The following SLC25A13 variants were observed in gnomAD, a reference collection of about 807,000 sequenced individuals.
SLC25A13 encodes the protein electrogenic aspartate/glutamate antiporter SLC25A13, mitochondrial.
In SLC25A13, 70 loss-of-function variants were observed where a neutral mutation model predicts 85.5. The observed-to-expected ratio is 0.82, with a 90% CI of 0.68 to 1.00. SLC25A13 has a LOEUF of 1.00. Ranked by LOEUF, SLC25A13 falls within the 50% of genes least tolerant of loss-of-function variation. The pLI, the probability that SLC25A13 is intolerant of heterozygous loss-of-function variation, is 0.00. For missense variants in SLC25A13, 765 were observed against 819.8 expected (o/e 0.93, Z 0.82); for synonymous variants, 259 against 288.7 (o/e 0.90, Z 1.04).
intron 1 of SLC25A13, among the ~76,000 whole-genome samples, chr7:96,307,590 G>A (rs1799795424): frequency 6.6e-6 from 1 of 151,760 alleles, no homozygotes; most frequent in African/African-American, 2.4e-5. Flanking sequence ...AAAAAAGTAG[G>A]GATGGAAGGA....
intron 3 of SLC25A13, among the ~76,000 whole-genome samples, chr7:96,272,963 TATC>T (rs1798302437): frequency 6.6e-6 from 1 of 152,276 alleles, no homozygotes. Flanking sequence ...GATCTTGACA[TATC>T]ATCCCACAAA....
At chr7:96,156,684 C>T (rs1287994510) in intron 13 of SLC25A13, among the ~76,000 whole-genome samples, 1 of 152,070 alleles carries the variant, frequency 6.6e-6, no homozygotes, top group African/African-American at 2.4e-5. Context: ...ATCTCCTAAC[C>T]TCATGACCTG....
chr7:96,298,833 C>T (rs2116999389), intron 1 of SLC25A13, among the ~76,000 whole-genome samples: 1 of 152,246 alleles, frequency 6.6e-6, no homozygotes, highest in South Asian at 2.1e-4. Flanking sequence ...AGATGAATGA[C>T]TCTGCTGCCC....
At chr7:96,295,934 CCTTTT>C (rs778869520) in intron 2 of SLC25A13, among the ~76,000 whole-genome samples, 13 of 151,454 alleles carry the variant, frequency 8.6e-5, no homozygotes, top group Non-Finnish European at 1.5e-4. Flanking sequence ...ACAAAAGTGG[CCTTTT>C]CTTTTCTGAG....
chr7:96,298,658 C>T (rs775988966), intron 1 of SLC25A13, among the ~76,000 whole-genome samples: 37 of 152,090 alleles, frequency 2.4e-4, no homozygotes, highest in Non-Finnish European at 8.8e-5. Flanking sequence ...GTCTCCAACT[C>T]GTGACCTTAG....
At chr7:96,276,717 T>C (rs1212555644) in intron 3 of SLC25A13, among the ~76,000 whole-genome samples, 2 of 152,222 alleles carry the variant, frequency 1.3e-5, no homozygotes, top group African/African-American at 4.8e-5. Context: ...GTGTCCTATT[T>C]GATTCTATAT....
At chr7:96,166,490 C>A (rs573853022) in intron 13 of SLC25A13, among the ~76,000 whole-genome samples, 1 of 152,102 alleles carries the variant, frequency 6.6e-6, no homozygotes, top group African/African-American at 2.4e-5. Context: ...TGAAACTAGT[C>A]ATTGCACCAC....
chr7:96,168,746 A>C (rs1793876393), intron 13 of SLC25A13, among the ~76,000 whole-genome samples: 1 of 152,200 alleles, frequency 6.6e-6, no homozygotes. Context: ...ACTTAAAAAA[A>C]CAACAACCCC....
At chr7:96,288,777 G>T (rs755309560) in intron 2 of SLC25A13, among the ~76,000 whole-genome samples, 4 of 152,160 alleles carry the variant, frequency 2.6e-5, no homozygotes, top group Non-Finnish European at 4.4e-5. Context: ...CTGGAAGCTC[G>T]AACTGGGTGG....
intron 4 of SLC25A13, among the ~76,000 whole-genome samples, chr7:96,215,295 C>A (rs1192131960): frequency 6.6e-6 from 1 of 152,116 alleles, no homozygotes; most frequent in Non-Finnish European, 1.5e-5. Flanking sequence ...CAGGGTTTCA[C>A]CATGTTGGTC....
Position 96,285,568 on chromosome 7 carries a change from T to G in SLC25A13, c.70-8230A>C, listed in dbSNP as rs143504709. Among the ~76,000 whole-genome samples the G allele has an allele frequency of 5.0e-3, 766 of 152,294 alleles. 8 individuals are homozygous for G. The highest frequency in any genetic ancestry group is 0.018 in the African/African-American group (740 of 41,556). Reference sequence around the variant, plus strand: ...TCCCTGAGACTCCCCAAGTTCTCTCTCCTAAGGGCCTTCCCTGACCACTCT... The same window carrying G: ...TCCCTGAGACTCCCCAAGTTCTCTCGCCTAAGGGCCTTCCCTGACCACTCT... On this transcript the variant is annotated intron_variant, in intron 2 of 17. Transcript: ENST00000265631.
intron 15 of SLC25A13, among the ~76,000 whole-genome samples, chr7:96,123,541 A>G (rs1234501026): frequency 6.6e-6 from 1 of 152,204 alleles, no homozygotes; most frequent in African/African-American, 2.4e-5. Context: ...GGGTGAAGGA[A>G]GCAGGTATGA....
chr7:96,235,671 T>G (rs1796718415), intron 3 of SLC25A13, among the ~76,000 whole-genome samples: 1 of 152,144 alleles, frequency 6.6e-6, no homozygotes, highest in African/African-American at 2.4e-5. Context: ...GGGAAACTGA[T>G]GAGTGACAGA....
chr7:96,150,951 G>A (rs1005103672), intron 13 of SLC25A13, among the ~76,000 whole-genome samples: 7 of 152,024 alleles, frequency 4.6e-5, no homozygotes, highest in Non-Finnish European at 1.0e-4. Flanking sequence ...CAGAAAATGG[G>A]ACATGAGAAC....
chr7:96,199,953 G>C (rs1795192196), intron 5 of SLC25A13, among the ~76,000 whole-genome samples: 1 of 151,758 alleles, frequency 6.6e-6, no homozygotes. Flanking sequence ...ATTCAGACAT[G>C]CAAGTTTGTG....
At chr7:96,280,681 C>T (rs1170894240) in intron 2 of SLC25A13, among the ~76,000 whole-genome samples, 1 of 152,120 alleles carries the variant, frequency 6.6e-6, no homozygotes, top group Non-Finnish European at 1.5e-5. Flanking sequence ...CATCACTATA[C>T]TCCAGCCTGG....
At chr7:96,234,750 T>C (rs1311476730) in intron 4 of SLC25A13, 52 bp downstream of exon 4, 2 of 1,344,426 alleles carry the variant, frequency 1.5e-6, no homozygotes. Flanking sequence ...AAAAAGAAAA[T>C]GCTCACACAA....
intron 5 of SLC25A13, among the ~76,000 whole-genome samples, chr7:96,201,025 T>C (rs987107862): frequency 3.3e-5 from 5 of 152,188 alleles, no homozygotes; most frequent in African/African-American, 1.2e-4. Context: ...GAATCTCATC[T>C]AGTGGAAGAG....
intron 4 of SLC25A13, among the ~76,000 whole-genome samples, chr7:96,229,479 G>A (rs1310909763): frequency 6.6e-6 from 1 of 152,136 alleles, no homozygotes; most frequent in Non-Finnish European, 1.5e-5. Context: ...GCCCGAACCA[G>A]CAGTGGCAAC....
Sources: gnomAD v4.1 joint callset for allele counts (sites outside exome capture counted in the v4.1 genomes callset) on GRCh38, gnomAD v4.1.1 for gene constraint, MANE v1.5 for transcripts, NCBI Gene and HGNC (gene_info 2026-07-23, HGNC 2026-07-21) for gene names.